The following WDR43 variants were observed in gnomAD, a reference collection of about 807,000 sequenced individuals.
WDR43 encodes WD repeat-containing protein 43.
Under a neutral mutation model 91.4 loss-of-function variants are expected in WDR43, and 13 were observed. That is an observed-to-expected ratio of 0.14 (90% CI 0.09 to 0.23). The LOEUF (loss-of-function observed/expected upper bound fraction) is 0.23. WDR43 is among the 10% of genes least tolerant of loss of function. WDR43 has a pLI of 1.00. For synonymous variants in WDR43, 331 were observed against 287.9 expected, an observed-to-expected ratio of 1.15 and a Z score of -1.51; for missense variants, 780 against 809.4, an observed-to-expected ratio of 0.96 and a Z score of 0.44.
At chr2:28,904,519 C>A (rs534943385) in intron 2 of WDR43, among the ~76,000 whole-genome samples, 2 of 152,310 alleles carry the variant, frequency 1.3e-5, no homozygotes, top group African/African-American at 4.8e-5. Context: ...TATTATGTAA[C>A]CTCACCAGCA....
chr2:28,914,225 G>C lies in WDR43; in HGVS notation c.746+17G>C. On this transcript the variant is annotated intron_variant, in intron 5 of 17. Transcript: ENST00000407426. ...TAATGTCTGGTATGTAGTTCTTTTG[G>C]ATTTGGGAGGTAGCATTGAAAGAAT... The C allele has an allele frequency of 1.9e-6, 3 of 1,600,946 alleles. No individual in the cohort carries two copies. Among genetic ancestry groups the C allele is most frequent in the Non-Finnish European group, 1.7e-6 (2 of 1,173,722 alleles).
chr2:28,915,987 T>G (rs183616393), intron 5 of WDR43, among the ~76,000 whole-genome samples: 167 of 152,364 alleles, frequency 1.1e-3, no homozygotes, highest in Admixed American at 2.9e-3. Flanking sequence ...TAAGTATTAT[T>G]TTTTAAAATT....
intron 3 of WDR43, among the ~76,000 whole-genome samples, chr2:28,910,578 A>G (rs1317906579): frequency 2.0e-5 from 3 of 151,158 alleles, no homozygotes; most frequent in African/African-American, 7.3e-5. Context: ...TGAAGGAGCT[A>G]TTTGTGTATT....
At chr2:28,926,652 C>A in intron 9 of WDR43, 98 bp downstream of exon 9, 2 of 973,828 alleles carry the variant, frequency 2.1e-6, no homozygotes, top group Non-Finnish European at 3.0e-6. Flanking sequence ...GTTTTTTATT[C>A]TTTAATATCT....
At chr2:28,946,416 T>C (rs1361180102) in intron 16 of WDR43, 34 bp from the exon 17 acceptor site, 2 of 1,590,562 alleles carry the variant, frequency 1.3e-6, no homozygotes, top group South Asian at 1.2e-5. Flanking sequence ...TGTTTTGTTC[T>C]AAAATTAAGG....
At chr2:28,935,318 C>T (rs1463537520) in intron 11 of WDR43, among the ~76,000 whole-genome samples, 1 of 151,104 alleles carries the variant, frequency 6.6e-6, no homozygotes, top group African/African-American at 2.5e-5. Flanking sequence ...TACCCAAAGA[C>T]TGTGCTTGTC....
At chr2:28,930,541 T>C (rs1340895159) in intron 11 of WDR43, among the ~76,000 whole-genome samples, 1 of 152,202 alleles carries the variant, frequency 6.6e-6, no homozygotes, top group African/African-American at 2.4e-5. Context: ...AAAATTACTT[T>C]TAAAATAGTT....
rs571830330 is a variant in WDR43 at position 28,918,846 on chromosome 2, C to T, written c.849+851C>T. Among the ~76,000 whole-genome samples, 5 of 152,264 alleles carry T rather than the reference C, an allele frequency of 3.3e-5. 1 individual carries two copies. Among genetic ancestry groups the T allele is most frequent in the African/African-American group, 1.2e-4 (5 of 41,564 alleles). On this transcript the variant is annotated intron_variant, in intron 6 of 17. Coordinates refer to ENST00000407426, the MANE Select transcript of WDR43 (RefSeq NM_015131.3). ...GGATTTTGATTTGCACAGAATCCCACGTTTCTAATGCAAGTTAAGGATATT... is the reference window on the plus strand; with the variant it reads ...GGATTTTGATTTGCACAGAATCCCATGTTTCTAATGCAAGTTAAGGATATT...
Position 28,942,323 on chromosome 2 carries a change from A to G in WDR43, c.1746A>G (p.Ser582=), listed in dbSNP as rs1291555300. ...LILLITQVTA[S]EKTKGATSPG... ...TTATCTTCTTCCAGGTAACAGCATCAGAGAAGACAAAGGGAGCAACTTCCC... is the reference window on the plus strand; with the variant it reads ...TTATCTTCTTCCAGGTAACAGCATCGGAGAAGACAAAGGGAGCAACTTCCC... Residue 582 remains serine (S), a synonymous_variant, in exon 16 of 18, where the codon TCA becomes TCG. Coordinates refer to ENST00000407426, the MANE Select transcript of WDR43 (RefSeq NM_015131.3). 6.2e-7 allele frequency: 1 copy of G among 1,613,482 alleles called. No homozygotes were observed. Among genetic ancestry groups the G allele is most frequent in the Non-Finnish European group, 8.5e-7 (1 of 1,179,624 alleles).
intron 10 of WDR43, 68 bp from the exon 11 acceptor site, chr2:28,929,511 T>C (rs958449115): frequency 6.4e-5 from 81 of 1,263,882 alleles, no homozygotes; most frequent in Non-Finnish European, 2.1e-6. Flanking sequence ...TTTTATTTTA[T>C]TTTTTTTGTC....
chr2:28,897,433 G>A (rs776546554), intron 1 of WDR43, among the ~76,000 whole-genome samples: 1 of 152,116 alleles, frequency 6.6e-6, no homozygotes, highest in African/African-American at 2.4e-5. Flanking sequence ...CCTGCTATAT[G>A]ATGACATATA....
rs1671556097 is a variant in WDR43 at position 28,947,076 on chromosome 2, A to G, written c.*297A>G. 5.0e-6 allele frequency: 1 copy of G among 198,396 alleles called. No individual in the cohort carries two copies. The highest frequency in any genetic ancestry group is 1.0e-5 in the Non-Finnish European group (1 of 98,728). The allele number at this position is 198,396 out of a possible 1,614,324, so 12.3% of individuals were successfully genotyped here. On this transcript the variant is annotated 3_prime_UTR_variant, in exon 18 of 18. Coordinates refer to ENST00000407426, the MANE Select transcript of WDR43 (RefSeq NM_015131.3). The stretch of plus-strand genomic sequence containing the variant: ...ATAATATCCTAGTATGATTGGTTAT[A>G]TCAAGAATTGACAAGTGCAGATAAA...
chr2:28,918,605 G>T (rs1371859292), intron 6 of WDR43, among the ~76,000 whole-genome samples: 1 of 152,076 alleles, frequency 6.6e-6, no homozygotes, highest in Non-Finnish European at 1.5e-5. Context: ...CCCACCTCAG[G>T]TGATCCGCCC....
chr2:28,917,637 A>G (rs558031090), intron 5 of WDR43, among the ~76,000 whole-genome samples: 2 of 152,374 alleles, frequency 1.3e-5, no homozygotes, highest in African/African-American at 2.4e-5. Context: ...ATCAATAGAA[A>G]AAAACAGAAT....
rs569248264 is a variant in WDR43, at chr2:28,905,939, G to A, written c.364-521G>A. On this transcript the variant is annotated intron_variant, in intron 2 of 17. Transcript: ENST00000407426. ...CTCCCAAAGTGCTGGGATTACAGGC[G>A]TGAGCCACCACGCCTGCCCTGTTTA... is the stretch of plus-strand genomic sequence containing the variant. 1.8e-4 allele frequency among the ~76,000 whole-genome samples: 28 copies of A among 152,176 alleles called. 1 individual carries two copies. The highest frequency in any genetic ancestry group is 3.4e-3 in the Middle Eastern group (1 of 294).
intron 6 of WDR43, among the ~76,000 whole-genome samples, chr2:28,920,097 C>T (rs188828331): frequency 3.7e-4 from 56 of 152,126 alleles, no homozygotes; most frequent in African/African-American, 1.2e-3. Context: ...CCGCCTGTCT[C>T]GGCCTCCCAA....
chr2:28,912,635 C>T lies in WDR43; in HGVS notation c.531C>T (p.Ser177=). Residue 177 remains serine (S), a synonymous_variant, in exon 4 of 18, where the codon AGC becomes AGT. Coordinates refer to ENST00000407426, the MANE Select transcript of WDR43 (RefSeq NM_015131.3). The part of the protein sequence containing the change: ...DNSSVSSLCI[S]PDGKMLLSAG... ...GCAGTGTCAGTTCCCTATGTATCAG[C>T]CCAGATGGAAAGATGTTGCTTTCAG... 1 of 1,613,792 alleles carries T rather than the reference C, an allele frequency of 6.2e-7. No homozygotes were observed. Among genetic ancestry groups the T allele is most frequent in the Non-Finnish European group, 8.5e-7 (1 of 1,179,818 alleles).
Position 28,894,787 on chromosome 2 carries a change from C to G in WDR43, c.89C>G (p.Ala30Gly). Reference sequence around the variant, plus strand: ...TCCCCGCACAGCCAGGCCTACTTCGCTTTGGCCTCTACCGACGGTCACTTA... The same window carrying G: ...TCCCCGCACAGCCAGGCCTACTTCGGTTTGGCCTCTACCGACGGTCACTTA... ...AFSPHSQAYF[A>G]LASTDGHLRV... Residue 30 changes from alanine to glycine, a missense_variant, in exon 1 of 18, where the codon GCT (alanine) becomes GGT (glycine). Ala to Gly is a moderately conservative substitution (Grantham distance 60, BLOSUM62 0). This residue lies in a region of WDR43 where 175 missense variants were observed against 113.8 expected (regional missense o/e 1.54). Transcript: ENST00000407426. 1 of 1,608,990 alleles carries G rather than the reference C, an allele frequency of 6.2e-7. No individual in the cohort carries two copies. Among genetic ancestry groups the G allele is most frequent in the Non-Finnish European group, 8.5e-7 (1 of 1,177,854 alleles).
At position 28,912,656 on chromosome 2, in the gene WDR43, T is replaced by C; in HGVS notation, c.552T>C (p.Leu184=). 2 of 1,614,008 alleles carry C rather than the reference T, an allele frequency of 1.2e-6. No individual in the cohort carries two copies. Among genetic ancestry groups the C allele is most frequent in the Non-Finnish European group, 1.7e-6 (2 of 1,179,890 alleles). Residue 184 remains leucine, a synonymous_variant, in exon 4 of 18, where the codon CTT becomes CTC. Transcript: ENST00000407426. ...TCAGCCCAGATGGAAAGATGTTGCT[T>C]TCAGCTGGTCGAACAATCAAACTAT... ...LCISPDGKML[L]SAGRTIKLWV... is the part of the protein sequence containing the mutation.
Sources: gnomAD v4.1 joint callset for allele counts (sites outside exome capture counted in the v4.1 genomes callset) on GRCh38, gnomAD v4.1.1 for gene constraint, gnomAD v4.1.1 regional missense constraint, MANE v1.5 for transcripts, NCBI Gene and HGNC (gene_info 2026-07-23, HGNC 2026-07-21) for gene names.